TNRC6A: variants seen among roughly 807,000 people sequenced by gnomAD.
TNRC6A encodes the protein trinucleotide repeat-containing gene 6A protein.
In TNRC6A, 44 loss-of-function variants were observed where a neutral mutation model predicts 221.2. The observed-to-expected ratio is 0.20, with a 90% CI of 0.16 to 0.26. TNRC6A has a LOEUF of 0.26. TNRC6A is among the 10% of genes least tolerant of loss of function. The pLI is 1.00. For synonymous variants in TNRC6A, 847 were observed against 838.5 expected, an observed-to-expected ratio of 1.01 and a Z score of -0.18; for missense variants, 2,199 against 2,404.4, an observed-to-expected ratio of 0.91 and a Z score of 1.79.
In TNRC6A at chr16:24,818,573, T is replaced by G. The variant is rs777167456; in HGVS notation, c.4973-20T>G. The stretch of plus-strand genomic sequence containing the variant: ...CACGTCCCTTGCTCTGGTGGCTGAT[T>G]GGACTCTTCCCCCACACAGGGTCAT... On this transcript the variant is annotated intron_variant, in intron 20 of 24. Transcript: ENST00000395799. 20 of 1,603,400 alleles carry G rather than the reference T, an allele frequency of 1.2e-5. No individual in the cohort carries two copies. Among genetic ancestry groups the G allele is most frequent in the Non-Finnish European group, 1.7e-5 (20 of 1,170,298 alleles).
chr16:24,677,459 G>A (rs190556013), intron 2 of TNRC6A, among the ~76,000 whole-genome samples: 9 of 152,098 alleles, frequency 5.9e-5, no homozygotes, highest in Admixed American at 3.3e-4. Flanking sequence ...CACAGTGCCC[G>A]GCCCCATGTT....
Position 24,816,965 on chromosome 16 carries a change from G to C in TNRC6A, c.4972+9G>C. The C allele has an allele frequency of 5.6e-6, 9 of 1,608,754 alleles. No homozygotes were observed. In the Middle Eastern group the frequency reaches 8.3e-4, roughly 148 times the overall value. On this transcript the variant is annotated intron_variant, in intron 20 of 24. Transcript: ENST00000395799. ...CAGGGACAGGAACAGTGGTACGTAG[G>C]GGGTGCAAATCAATTTCTGAGTGAC...
chr16:24,793,696 CACTCACTGACTATAATTAAATAATT>C, intron 7 of TNRC6A, 47 bp downstream of exon 7: 4 of 1,303,594 alleles, frequency 3.1e-6, no homozygotes, highest in Admixed American at 3.0e-5. Context: ...CAGTGGCGAA[CACTCACTGACTATAATTAAATAATT>C]AGATAAGGTT....
chr16:24,645,865 A>AAAAAAAAAAAAAAAAAAAC (rs1902258710), intron 2 of TNRC6A, among the ~76,000 whole-genome samples: 1 of 145,116 alleles, frequency 6.9e-6, no homozygotes, highest in Non-Finnish European at 1.5e-5. Flanking sequence ...AAAAAAAAAA[A>AAAAAAAAAAAAAAAAAAAC]AATTAGCAGG....
chr16:24,780,895 G>T (rs760250232), intron 5 of TNRC6A, among the ~76,000 whole-genome samples: 2 of 151,840 alleles, frequency 1.3e-5, no homozygotes, highest in Admixed American at 6.6e-5. Context: ...CCATCCATCC[G>T]TGCTCTTGCA....
At chr16:24,776,343 TC>T (rs2057717461) in intron 4 of TNRC6A, 27 of 984,736 alleles carry the variant, frequency 2.7e-5, no homozygotes, top group Non-Finnish European at 3.3e-5. Context: ...GTTATCTTTG[TC>T]TTTAGTTCCA....
At position 24,701,368 on chromosome 16, in the gene TNRC6A, C is replaced by CT. The variant is rs397854971; in HGVS notation, n.403-49343dup. Reference sequence around the variant, plus strand: ...CCACCCACCTTACTAACTTTTTTTTCTTTTTTTTTTTTTTTGAGACGGAGT... The same window carrying CT: ...CCACCCACCTTACTAACTTTTTTTTCTTTTTTTTTTTTTTTTGAGACGGAGT... On this transcript the variant is annotated intron_variant and non_coding_transcript_variant, in intron 2 of 2. Coordinates refer to the TNRC6A transcript ENST00000566108. Among the ~76,000 whole-genome samples the CT allele has an allele frequency of 2.1e-3, 288 of 135,538 alleles. 2 individuals carry two copies. Among genetic ancestry groups the CT allele is most frequent in the Middle Eastern group, 3.8e-3 (1 of 266 alleles). 88.9% of individuals were successfully genotyped at this position (135,538 alleles called of 152,430 possible).
intron 4 of TNRC6A, among the ~76,000 whole-genome samples, chr16:24,766,560 A>C (rs1314587754): frequency 1.3e-5 from 2 of 152,182 alleles, no homozygotes; most frequent in Non-Finnish European, 1.5e-5. Flanking sequence ...GTCTTAAAAC[A>C]TGAGGATGGG....
intron 4 of TNRC6A, among the ~76,000 whole-genome samples, chr16:24,773,156 G>A (rs150083032): frequency 1.1e-3 from 172 of 152,048 alleles, no homozygotes; most frequent in African/African-American, 4.0e-3. Context: ...AGTATGTGCG[G>A]GTGTTTTCCC....
intron 2 of TNRC6A, among the ~76,000 whole-genome samples, chr16:24,674,759 A>G (rs1596650613): frequency 6.6e-6 from 1 of 151,064 alleles, no homozygotes; most frequent in East Asian, 1.9e-4. Context: ...AGTCTGAACA[A>G]TCATGTGACG....
intron 10 of TNRC6A, 41 bp downstream of exon 10, chr16:24,797,611 T>C (rs751777233): frequency 1.3e-5 from 19 of 1,422,414 alleles, no homozygotes; most frequent in African/African-American, 8.6e-5. Context: ...CTTTTAATGG[T>C]GGTCCATGAT....
intron 5 of TNRC6A, among the ~76,000 whole-genome samples, chr16:24,788,861 G>A (rs1233841338): frequency 6.6e-6 from 1 of 152,130 alleles, no homozygotes; most frequent in Non-Finnish European, 1.5e-5. Context: ...TGTTAGCCAG[G>A]ATGTTCTTGA....
At chr16:24,724,219 C>T (rs2056456937) in intron 2 of TNRC6A, among the ~76,000 whole-genome samples, 1 of 151,810 alleles carries the variant, frequency 6.6e-6, no homozygotes, top group Admixed American at 6.6e-5. Context: ...ATGTAGCGGG[C>T]TCTGGAAGCA....
At chr16:24,806,468 C>A in intron 16 of TNRC6A, 106 bp from the exon 17 acceptor site, 1 of 1,444,762 alleles carries the variant, frequency 6.9e-7, no homozygotes, top group Non-Finnish European at 9.6e-7. Flanking sequence ...TGATTATTCA[C>A]CTTTCTGCTG....
intron 4 of TNRC6A, among the ~76,000 whole-genome samples, chr16:24,760,154 A>G (rs543526219): frequency 1.3e-5 from 2 of 151,970 alleles, no homozygotes; most frequent in South Asian, 2.1e-4. Flanking sequence ...TTTTTATTCA[A>G]TTTATCAGCC....
chr16:24,687,950 TTTTC>T lies in TNRC6A; in HGVS notation n.402+46945_402+46948del, dbSNP rs561610262. 5.4e-3 allele frequency among the ~76,000 whole-genome samples: 510 copies of T among 95,028 alleles called. 5 individuals are homozygous for T. The highest frequency in any genetic ancestry group is 0.04 in the Middle Eastern group (8 of 198). The allele number at this position is 95,028 out of a possible 152,430, so 62.3% of individuals were successfully genotyped here. A position where few individuals can be genotyped will look rare whatever the true frequency, so the allele number is the denominator to read the frequency against. On this transcript the variant is annotated intron_variant and non_coding_transcript_variant, in intron 2 of 2. Coordinates refer to the TNRC6A transcript ENST00000566108. ...TTTTCTTTTCTTTTCTTTTCTTTTCTTTTCTTTTTTTTTTTTTTGTCGCCCAGGC... is the reference window on the plus strand; with the variant it reads ...TTTTCTTTTCTTTTCTTTTCTTTTCTTTTTTTTTTTTTTTGTCGCCCAGGC...
At chr16:24,758,592 G>T (rs1347303942) in intron 4 of TNRC6A, among the ~76,000 whole-genome samples, 2 of 152,102 alleles carry the variant, frequency 1.3e-5, no homozygotes, top group African/African-American at 4.8e-5. Context: ...CTGTGTCATA[G>T]GATAAGAGTA....
chr16:24,805,377 C>A, intron 14 of TNRC6A: 1 of 932,242 alleles, frequency 1.1e-6, no homozygotes. Context: ...GAGAGTAGGA[C>A]AAAAGCAAAG....
At chr16:24,632,422 TC>T (rs1901395581) in intron 1 of TNRC6A, among the ~76,000 whole-genome samples, 2 of 152,148 alleles carry the variant, frequency 1.3e-5, no homozygotes, top group Non-Finnish European at 2.9e-5. Flanking sequence ...TTCCTTATTG[TC>T]GCCACACCCC....
Sources: gnomAD v4.1 joint callset for allele counts (sites outside exome capture counted in the v4.1 genomes callset) on GRCh38, gnomAD v4.1.1 for gene constraint, MANE v1.5 for transcripts, NCBI Gene and HGNC (gene_info 2026-07-23, HGNC 2026-07-21) for gene names.